The following UGT2A1 variants were observed in gnomAD, a reference collection of about 807,000 sequenced individuals.
UGT2A1 encodes UDP glucuronosyltransferase family 2 member A1 complex locus, also known as UDP-glucuronosyltransferase 2A1.
A neutral mutation model predicts 45.4 loss-of-function variants in UGT2A1; 61 were observed. The ratio of observed to expected loss-of-function variants is 1.34; its 90% CI spans 1.09 to 1.66. UGT2A1 has a LOEUF of 1.66. Among genes scored for constraint, UGT2A1 ranks in the 40% most tolerant of loss-of-function variants. The probability of loss-of-function intolerance (pLI) is 0.00; values close to 1 mark genes in which losing one functional copy is unlikely to be tolerated. For missense variants in UGT2A1, 649 were observed against 574.3 expected (o/e 1.13, Z -1.33); for synonymous variants, 229 against 196.2 (o/e 1.17, Z -1.40).
At chr4:69,630,789 A>T (rs1721337894) in intron 3 of UGT2A1, among the ~76,000 whole-genome samples, 1 of 152,118 alleles carries the variant, frequency 6.6e-6, no homozygotes. Flanking sequence ...ATGCAATTCT[A>T]CCGCTGGAGG....
chr4:69,588,667 G>T lies in UGT2A1; in HGVS notation c.*705C>A, dbSNP rs1406563357. 6.6e-6 allele frequency: 1 copy of T among 151,922 alleles called. No homozygotes were observed. Among genetic ancestry groups the T allele is most frequent in the Non-Finnish European group, 1.5e-5 (1 of 67,968 alleles). 9.4% of individuals were successfully genotyped at this position (151,922 alleles called of 1,614,324 possible). ...ATAGAACTTTCTCCTTGAAATAAAA[G>T]AGTCGATTGATTGATTTATTAAAGA... is the stretch of plus-strand genomic sequence containing the variant. On this transcript the variant is annotated 3_prime_UTR_variant, in exon 7 of 7. Coordinates refer to ENST00000286604, the MANE Select transcript of UGT2A1 (RefSeq NM_001252275.3).
intron 3 of UGT2A1, among the ~76,000 whole-genome samples, chr4:69,627,057 G>A (rs1050854173): frequency 1.3e-5 from 2 of 151,666 alleles, no homozygotes; most frequent in African/African-American, 2.4e-5. Context: ...GTATATTATA[G>A]GTATATTCAT....
intron 1 of UGT2A1, among the ~76,000 whole-genome samples, chr4:69,649,052 CTG>C (rs2109982475): frequency 6.6e-6 from 1 of 152,164 alleles, no homozygotes. Flanking sequence ...AAAGCGATCT[CTG>C]TGAAAATATT....
intron 4 of UGT2A1, chr4:69,596,310 T>A: frequency 6.2e-7 from 1 of 1,608,994 alleles, no homozygotes; most frequent in Non-Finnish European, 8.5e-7. Context: ...CTGTAAGGTT[T>A]TTGACCATTG....
rs148569452 is a variant in UGT2A1 at position 69,645,997 on chromosome 4, G to A, written c.715+933C>T. Among the ~76,000 whole-genome samples the A allele has an allele frequency of 1.6e-3, 244 of 151,866 alleles. 1 individual carries two copies. Among genetic ancestry groups the A allele is most frequent in the Non-Finnish European group, 2.7e-3 (186 of 67,806 alleles). On this transcript the variant is annotated intron_variant, in intron 2 of 6. Transcript: ENST00000286604. Reference sequence around the variant, plus strand: ...CCTTATGCATTATCTGAACTCTGAAGTTTTTCAGAATAACTCACTCTGTCT... The same window carrying A: ...CCTTATGCATTATCTGAACTCTGAAATTTTTCAGAATAACTCACTCTGTCT...
At chr4:69,591,160 T>C (rs1362681182) in intron 6 of UGT2A1, among the ~76,000 whole-genome samples, 3 of 152,176 alleles carry the variant, frequency 2.0e-5, no homozygotes, top group Non-Finnish European at 4.4e-5. Flanking sequence ...TCTAAAATAT[T>C]TGAAGATATT....
At chr4:69,638,696 G>A (rs1721861577) in intron 2 of UGT2A1, among the ~76,000 whole-genome samples, 1 of 152,092 alleles carries the variant, frequency 6.6e-6, no homozygotes, top group Admixed American at 6.6e-5. Context: ...TGCATTAAGA[G>A]ACAATAGCAT....
intron 2 of UGT2A1, chr4:69,639,487 A>G (rs777690840): frequency 1.5e-5 from 25 of 1,613,152 alleles, no homozygotes; most frequent in Non-Finnish European, 2.0e-5. Flanking sequence ...CTTTGAATCA[A>G]CTCTTCTAGA....
rs560670075 is a variant in UGT2A1, at chr4:69,641,797, C to G, written c.715+5133G>C. The stretch of plus-strand genomic sequence containing the variant: ...TGATGAGAACAATGGCACCTATTTC[C>G]TATAGTTCTGGGTATGGTGTGACAT... On this transcript the variant is annotated intron_variant, in intron 2 of 6. Transcript: ENST00000286604. Among the ~76,000 whole-genome samples the G allele has an allele frequency of 5.3e-5, 8 of 151,878 alleles. No individual in the cohort carries two copies. The South Asian group carries it at 1.7e-3, about 32-fold the overall frequency.
chr4:69,609,154 G>A (rs1719873518), intron 3 of UGT2A1, among the ~76,000 whole-genome samples: 1 of 61,974 alleles, frequency 1.6e-5, no homozygotes, highest in Non-Finnish European at 3.2e-5. Flanking sequence ...GAATATATAA[G>A]ATTTTTTTTT....
At chr4:69,599,097 T>C in intron 4 of UGT2A1, 149 bp downstream of exon 4, 1 of 1,191,082 alleles carries the variant, frequency 8.4e-7, no homozygotes, top group African/African-American at 1.5e-5. Flanking sequence ...ATATCACTTG[T>C]AGGAGACCTC....
chr4:69,633,429 T>C (rs912354761), intron 3 of UGT2A1, among the ~76,000 whole-genome samples: 16 of 152,302 alleles, frequency 1.1e-4, no homozygotes, highest in African/African-American at 3.6e-4. Context: ...CTATGACCTG[T>C]CAATTCCACT....
At position 69,603,464 on chromosome 4, in the gene UGT2A1, G is replaced by C. The variant is rs1007965450; in HGVS notation, c.848-4070C>G. 2.0e-4 allele frequency: 27 copies of C among 136,482 alleles called. 7 individuals are homozygous for C. The highest frequency in any genetic ancestry group is 4.1e-4 in the Non-Finnish European group (26 of 64,158). The allele number at this position is 136,482 out of a possible 1,614,324, so 8.5% of individuals were successfully genotyped here. ...AAGGTAGATAAAACCACAAAGATAG[G>C]GAAAAAACAGAGCAGAAAAACTGGA... On this transcript the variant is annotated intron_variant, in intron 3 of 6. Transcript: ENST00000286604.
At chr4:69,593,464 T>C (rs1718702245) in intron 6 of UGT2A1, among the ~76,000 whole-genome samples, 2 of 151,598 alleles carry the variant, frequency 1.3e-5, no homozygotes, top group South Asian at 4.2e-4. Flanking sequence ...AAATTACATA[T>C]ACATATATCA....
chr4:69,648,453 G>T (rs1199231005), intron 1 of UGT2A1, among the ~76,000 whole-genome samples: 1 of 151,854 alleles, frequency 6.6e-6, no homozygotes, highest in Non-Finnish European at 1.5e-5. Context: ...TATCTAGCCT[G>T]CATGAAAAAC....
intron 3 of UGT2A1, among the ~76,000 whole-genome samples, chr4:69,633,945 T>C (rs975235511): frequency 6.6e-6 from 1 of 152,000 alleles, no homozygotes; most frequent in South Asian, 2.1e-4. Flanking sequence ...AGAAAGAATA[T>C]ACAAAATTTT....
chr4:69,646,459 G>A (rs1722263286), intron 2 of UGT2A1, among the ~76,000 whole-genome samples: 1 of 151,752 alleles, frequency 6.6e-6, no homozygotes, highest in Non-Finnish European at 1.5e-5. Context: ...AAGCCTTAAT[G>A]TATTTTGTTT....
chr4:69,629,334 C>CA (rs921668542), intron 3 of UGT2A1, among the ~76,000 whole-genome samples: 25 of 152,034 alleles, frequency 1.6e-4, no homozygotes, highest in African/African-American at 6.0e-4. Context: ...TGTACATTCC[C>CA]AAAAAAGACT....
Position 69,595,255 on chromosome 4 carries a change from G to A in UGT2A1, c.997-6C>T. 1 of 1,613,268 alleles carries A rather than the reference G, an allele frequency of 6.2e-7. No individual in the cohort carries two copies. Among genetic ancestry groups the A allele is most frequent in the Non-Finnish European group, 8.5e-7 (1 of 1,179,722 alleles). On this transcript the variant is annotated splice_region_variant and splice_polypyrimidine_tract_variant and intron_variant, in intron 4 of 6. Coordinates refer to ENST00000286604, the MANE Select transcript of UGT2A1 (RefSeq NM_001252275.3). ...CCTTTGTATCTCCATAAAACCTGTG[G>A]AAAATGGTGCTTTAATTTTGCAAGG...
Sources: allele counts gnomAD v4.1 joint callset (sites outside exome capture counted in the v4.1 genomes callset), GRCh38; gene constraint gnomAD v4.1.1; transcripts MANE v1.5; gene names NCBI Gene and HGNC (gene_info 2026-07-23, HGNC 2026-07-21).